The following AKAP19 variants were observed in gnomAD, a reference collection of about 807,000 sequenced individuals.
AKAP19 encodes the protein small A-kinase anchoring protein.
chr2:189,982,262 C>A, the AKAP19 span, among the ~76,000 whole-genome samples: 1 of 152,050 alleles, frequency 6.6e-6, no homozygotes, highest in Non-Finnish European at 1.5e-5. Context: ...AATCTTCAAG[C>A]TCTGAAATTC....
the AKAP19 span, chr2:189,924,029 G>C: frequency 6.4e-7 from 1 of 1,562,680 alleles, no homozygotes; most frequent in Non-Finnish European, 8.8e-7. Flanking sequence ...CGTGAAGAAA[G>C]ATGAGACTAA....
chr2:189,990,736 G>T, the AKAP19 span, among the ~76,000 whole-genome samples: 1 of 151,524 alleles, frequency 6.6e-6, no homozygotes, highest in Non-Finnish European at 1.5e-5. Context: ...AAAGTTTTTT[G>T]GGGAACAGAT....
chr2:189,976,531 G>A, the AKAP19 span, among the ~76,000 whole-genome samples: 1 of 152,228 alleles, frequency 6.6e-6, no homozygotes, highest in African/African-American at 2.4e-5. Flanking sequence ...TAAGTCTGCA[G>A]AGGTTTCTGC....
At chr2:189,988,632 T>C in the AKAP19 span, among the ~76,000 whole-genome samples, 2 of 152,210 alleles carry the variant, frequency 1.3e-5, no homozygotes, top group African/African-American at 2.4e-5. Context: ...TTGTGTTCCA[T>C]AGAGAGGGAG....
the AKAP19 span, among the ~76,000 whole-genome samples, chr2:189,988,368 A>G: frequency 1.3e-5 from 2 of 152,246 alleles, no homozygotes; most frequent in African/African-American, 2.4e-5. Context: ...GTTAATATTT[A>G]GAATTCCATC....
chr2:189,918,468 A>C, the AKAP19 span, among the ~76,000 whole-genome samples: 1 of 152,168 alleles, frequency 6.6e-6, no homozygotes, highest in African/African-American at 2.4e-5. Flanking sequence ...TTGACTAGAT[A>C]TCACTTCACA....
the AKAP19 span, among the ~76,000 whole-genome samples, chr2:190,158,049 A>G: frequency 2.0e-5 from 3 of 152,342 alleles, no homozygotes; most frequent in South Asian, 2.1e-4. Context: ...CAGGTATTGT[A>G]TAGAAGAACA....
the AKAP19 span, among the ~76,000 whole-genome samples, chr2:189,931,738 C>A: frequency 6.6e-6 from 1 of 152,072 alleles, no homozygotes; most frequent in African/African-American, 2.4e-5. Flanking sequence ...CCCACCTCAG[C>A]CTCCCAAGTA....
At chr2:190,043,229 T>C in the AKAP19 span, among the ~76,000 whole-genome samples, 1 of 152,192 alleles carries the variant, frequency 6.6e-6, no homozygotes, top group African/African-American at 2.4e-5. Context: ...CTGAATTTGA[T>C]CGTTGGCCTC....
chr2:190,192,658 CTGTT>C, the AKAP19 span, among the ~76,000 whole-genome samples: 136 of 152,078 alleles, frequency 8.9e-4, no homozygotes, highest in Non-Finnish European at 1.5e-3. Context: ...CAGCATTTGT[CTGTT>C]TGTTTAGGTT....
the AKAP19 span, chr2:189,931,069 A>G: frequency 2.2e-6 from 1 of 452,544 alleles, no homozygotes; most frequent in South Asian, 4.8e-5. Context: ...TCTATTTTCT[A>G]CCTTGAAATT....
At chr2:190,130,231 A>T in the AKAP19 span, among the ~76,000 whole-genome samples, 1 of 152,182 alleles carries the variant, frequency 6.6e-6, no homozygotes, top group Non-Finnish European at 1.5e-5. Flanking sequence ...TCAAAGAAGG[A>T]GTATAAGAAT....
At chr2:189,899,886 T>C in the AKAP19 span, among the ~76,000 whole-genome samples, 1 of 152,178 alleles carries the variant, frequency 6.6e-6, no homozygotes, top group Non-Finnish European at 1.5e-5. Context: ...TGGTAGAAAA[T>C]TTTAAAGGAA....
chr2:189,972,541 G>T, the AKAP19 span, among the ~76,000 whole-genome samples: 1 of 152,108 alleles, frequency 6.6e-6, no homozygotes, highest in African/African-American at 2.4e-5. Flanking sequence ...AGCTTGATGG[G>T]GATGGCATTG....
chr2:189,902,404 T>C, the AKAP19 span, among the ~76,000 whole-genome samples: 2 of 152,046 alleles, frequency 1.3e-5, no homozygotes, highest in Admixed American at 6.6e-5. Context: ...ATTAAGAAGT[T>C]TGGCATAATT....
the AKAP19 span, chr2:190,190,045 A>G: frequency 6.6e-6 from 1 of 152,246 alleles, no homozygotes; most frequent in South Asian, 2.1e-4. Flanking sequence ...GTGCCCCAGA[A>G]TGTTCTCAAA....
At chr2:189,908,816 G>T in the AKAP19 span, among the ~76,000 whole-genome samples, 1 of 152,134 alleles carries the variant, frequency 6.6e-6, no homozygotes, top group Admixed American at 6.6e-5. Flanking sequence ...TACTTTGGAA[G>T]AATGTGTATT....
the AKAP19 span, among the ~76,000 whole-genome samples, chr2:190,126,115 A>C: frequency 6.6e-6 from 1 of 151,258 alleles, no homozygotes; most frequent in Admixed American, 6.6e-5. Context: ...ACATGATGAA[A>C]TCCTGTCTCT....
chr2:190,053,865 T>G, the AKAP19 span, among the ~76,000 whole-genome samples: 4 of 152,282 alleles, frequency 2.6e-5, no homozygotes, highest in African/African-American at 9.6e-5. Flanking sequence ...TTTAGCAATA[T>G]TAACACATAG....
Sources: allele counts gnomAD v4.1 joint callset (sites outside exome capture counted in the v4.1 genomes callset), GRCh38; gene constraint gnomAD v4.1.1; transcripts MANE v1.5; gene names NCBI Gene and HGNC (gene_info 2026-07-23, HGNC 2026-07-21).